DDI2: variants seen among roughly 807,000 people sequenced by gnomAD.
DDI2 encodes DDI proteasomal shuttling factor 2, also known as protein DDI1 homolog 2.
Under a neutral mutation model 48.1 loss-of-function variants are expected in DDI2, and 5 were observed. The ratio of observed to expected loss-of-function variants is 0.10; its 90% CI spans 0.05 to 0.22. The LOEUF is 0.22. DDI2 is among the 10% of genes least tolerant of loss of function. The pLI is 1.00. For synonymous variants in DDI2, 205 were observed against 183.6 expected, an observed-to-expected ratio of 1.12 and a Z score of -0.94; for missense variants, 285 against 506.2, an observed-to-expected ratio of 0.56 and a Z score of 4.19.
intron 6 of DDI2, among the ~76,000 whole-genome samples, chr1:15,644,054 T>G (rs1640048878): frequency 6.6e-6 from 1 of 152,228 alleles, no homozygotes; most frequent in Non-Finnish European, 1.5e-5. Flanking sequence ...TAGTATTATT[T>G]TCTCTTAGAA....
chr1:15,640,972 G>A (rs1639998069), intron 5 of DDI2, among the ~76,000 whole-genome samples: 1 of 152,098 alleles, frequency 6.6e-6, no homozygotes, highest in Admixed American at 6.5e-5. Context: ...TTTACAGGAG[G>A]GTCAAAGTGA....
intron 1 of DDI2, among the ~76,000 whole-genome samples, chr1:15,625,885 G>A (rs530517523): frequency 2.0e-4 from 31 of 152,346 alleles, no homozygotes; most frequent in African/African-American, 7.2e-4. Context: ...CCAAAGTGCT[G>A]GAATTACAGG....
Position 15,667,026 on chromosome 1 carries a change from G to A in DDI2, c.*7236G>A, listed in dbSNP as rs1464241918. 1 of 152,026 alleles carries A rather than the reference G, an allele frequency of 6.6e-6. No homozygotes were observed. Among genetic ancestry groups the A allele is most frequent in the Admixed American group, 6.6e-5 (1 of 15,248 alleles). 9.4% of individuals were successfully genotyped at this position (152,026 alleles called of 1,614,324 possible). On this transcript the variant is annotated 3_prime_UTR_variant, in exon 10 of 10. Coordinates refer to ENST00000480945, the MANE Select transcript of DDI2 (RefSeq NM_032341.5). The stretch of plus-strand genomic sequence containing the variant: ...AGGTCGAGACCAGCCTGGCCAATAT[G>A]ATGAAACCTTACCTCTACTAAAAAT...
At chr1:15,656,875 G>T (rs1056075101) in intron 9 of DDI2, 196 bp downstream of exon 9, 3 of 671,852 alleles carry the variant, frequency 4.5e-6, no homozygotes, top group African/African-American at 1.8e-5. Flanking sequence ...GTTTAAAAAT[G>T]GATTCGTTAT....
chr1:15,636,566 A>G (rs1639932629), intron 4 of DDI2, among the ~76,000 whole-genome samples: 1 of 151,174 alleles, frequency 6.6e-6, no homozygotes, highest in Non-Finnish European at 1.5e-5. Context: ...TCAGCCTCCC[A>G]GGCCCAAGCA....
At chr1:15,653,834 T>G (rs985733921) in intron 8 of DDI2, among the ~76,000 whole-genome samples, 4 of 152,296 alleles carry the variant, frequency 2.6e-5, no homozygotes, top group Middle Eastern at 3.4e-3. Context: ...AGTGTTATGG[T>G]GTGAGATTAC....
At position 15,664,531 on chromosome 1, in the gene DDI2, A is replaced by G. The variant is rs1227626038; in HGVS notation, c.*4741A>G. 1.3e-5 allele frequency: 2 copies of G among 152,214 alleles called. No individual in the cohort carries two copies. Among genetic ancestry groups the G allele is most frequent in the East Asian group, 1.9e-4 (1 of 5,202 alleles). 9.4% of individuals were successfully genotyped at this position (152,214 alleles called of 1,614,324 possible). A position where few individuals can be genotyped will look rare whatever the true frequency, so the allele number is the denominator to read the frequency against. On this transcript the variant is annotated 3_prime_UTR_variant, in exon 10 of 10. Coordinates refer to ENST00000480945, the MANE Select transcript of DDI2 (RefSeq NM_032341.5). Reference sequence around the variant, plus strand: ...AAAGGGTATATTAAGGAGCATTACAATAGTGAACCTTCATCGTCAGCTTTT... The same window carrying G: ...AAAGGGTATATTAAGGAGCATTACAGTAGTGAACCTTCATCGTCAGCTTTT...
At position 15,663,630 on chromosome 1, in the gene DDI2, T is replaced by C. The variant is rs1231093317; in HGVS notation, c.*3840T>C. ...GATGTACGATGCACTAGGAAACTGCTCATAGGATTTCTGTCAGCTGACTTA... is the reference window on the plus strand; with the variant it reads ...GATGTACGATGCACTAGGAAACTGCCCATAGGATTTCTGTCAGCTGACTTA... On this transcript the variant is annotated 3_prime_UTR_variant, in exon 10 of 10. Coordinates refer to ENST00000480945, the MANE Select transcript of DDI2 (RefSeq NM_032341.5). The C allele has an allele frequency of 6.6e-6, 1 of 152,220 alleles. No homozygotes were observed. The highest frequency in any genetic ancestry group is 1.5e-5 in the Non-Finnish European group (1 of 68,044). The allele number at this position is 152,220 out of a possible 1,614,324, so 9.4% of individuals were successfully genotyped here.
chr1:15,652,974 T>C (rs1225710297), intron 8 of DDI2, among the ~76,000 whole-genome samples: 1 of 152,120 alleles, frequency 6.6e-6, no homozygotes, highest in Non-Finnish European at 1.5e-5. Context: ...CACTGCACTC[T>C]AGCCTGGGCA....
chr1:15,663,965 G>A lies in DDI2; in HGVS notation c.*4175G>A, dbSNP rs1640415875. The A allele has an allele frequency of 1.3e-5, 2 of 152,128 alleles. No homozygotes were observed. Among genetic ancestry groups the A allele is most frequent in the South Asian group, 4.1e-4 (2 of 4,830 alleles). 9.4% of individuals were successfully genotyped at this position (152,128 alleles called of 1,614,324 possible). ...TTCATTAGGATAGCTTTTTGTGTAT[G>A]TATATGTATATTTATTTTTAGGAAT... On this transcript the variant is annotated 3_prime_UTR_variant, in exon 10 of 10. Transcript: ENST00000480945.
chr1:15,617,527 C>A lies in DDI2; in HGVS notation c.-144C>A. On this transcript the variant is annotated 5_prime_UTR_variant, in exon 1 of 10. Coordinates refer to ENST00000480945, the MANE Select transcript of DDI2 (RefSeq NM_032341.5). ...GGGCGGGAGGGAGTGACTCACTGAGCGTGTGTGAGGGAGGGAGCGAGCGAG... is the reference window on the plus strand; with the variant it reads ...GGGCGGGAGGGAGTGACTCACTGAGAGTGTGTGAGGGAGGGAGCGAGCGAG... The A allele has an allele frequency of 1.8e-6, 1 of 542,564 alleles. No homozygotes were observed. The highest frequency in any genetic ancestry group is 2.7e-6 in the Non-Finnish European group (1 of 363,918). 33.6% of individuals were successfully genotyped at this position (542,564 alleles called of 1,614,324 possible).
chr1:15,647,836 C>T (rs935328344), intron 6 of DDI2, among the ~76,000 whole-genome samples: 1 of 152,016 alleles, frequency 6.6e-6, no homozygotes, highest in Non-Finnish European at 1.5e-5. Context: ...CATGACCGTA[C>T]GCCTGTAGTC....
intron 8 of DDI2, among the ~76,000 whole-genome samples, chr1:15,656,052 G>C (rs1340916780): frequency 2.0e-5 from 3 of 152,124 alleles, no homozygotes; most frequent in Non-Finnish European, 4.4e-5. Context: ...TGTTGCCCCA[G>C]CTGATTTTGA....
At chr1:15,645,541 T>C (rs890834869) in intron 6 of DDI2, among the ~76,000 whole-genome samples, 2 of 152,204 alleles carry the variant, frequency 1.3e-5, no homozygotes, top group Non-Finnish European at 2.9e-5. Context: ...TTTTCATAAA[T>C]GTCTTGTGAT....
At position 15,651,907 on chromosome 1, in the gene DDI2, G is replaced by T; in HGVS notation, c.1183+12G>T. ...AGCAGAGGATGCAGGTATTTGGGAT[G>T]GCCAAACTCTTCAATACTTGTTATT... On this transcript the variant is annotated intron_variant, in intron 8 of 9. Coordinates refer to ENST00000480945, the MANE Select transcript of DDI2 (RefSeq NM_032341.5). 2 of 1,611,400 alleles carry T rather than the reference G, an allele frequency of 1.2e-6. No individual in the cohort carries two copies. Among genetic ancestry groups the T allele is most frequent in the Non-Finnish European group, 1.7e-6 (2 of 1,178,562 alleles).
rs1639585612 is a variant in DDI2 at position 15,617,675 on chromosome 1, T to A, written c.5T>A (p.Leu2Gln). The change falls in exon 1 of 10, where the codon CTG becomes CAG. Residue 2 changes from leucine (L) to glutamine (Q), a missense_variant. Coordinates refer to ENST00000480945, the MANE Select transcript of DDI2 (RefSeq NM_032341.5). M[L>Q]LTVYCVRRDL... The stretch of plus-strand genomic sequence containing the variant: ...GAGCCGGGTCGGGCCCGGGCCATGC[T>A]GCTCACCGTGTACTGTGTGCGGAGG... 6.5e-7 allele frequency: 1 copy of A among 1,535,432 alleles called. No individual in the cohort carries two copies. The highest frequency in any genetic ancestry group is 1.2e-5 in the South Asian group (1 of 82,456).
chr1:15,623,717 T>C (rs1557611806), intron 1 of DDI2, among the ~76,000 whole-genome samples: 1 of 152,104 alleles, frequency 6.6e-6, no homozygotes, highest in Non-Finnish European at 1.5e-5. Flanking sequence ...AGGATCATTT[T>C]GATTCTCCTG....
chr1:15,635,376 A>G (rs16851884), intron 4 of DDI2, among the ~76,000 whole-genome samples: 48,840 of 152,074 alleles, frequency 0.32, 8,743 homozygotes, highest in African/African-American at 0.46. Flanking sequence ...TAGGGCTTGA[A>G]TGAAGGAAAT....
intron 3 of DDI2, among the ~76,000 whole-genome samples, 158 bp from the exon 4 acceptor site, chr1:15,633,281 G>C (rs1230375561): frequency 6.6e-6 from 1 of 152,110 alleles, no homozygotes; most frequent in African/African-American, 2.4e-5. Context: ...TTGACTCAGA[G>C]AACAGAAAGT....
Sources: gnomAD v4.1 joint callset for allele counts (sites outside exome capture counted in the v4.1 genomes callset) on GRCh38, gnomAD v4.1.1 for gene constraint, MANE v1.5 for transcripts, NCBI Gene and HGNC (gene_info 2026-07-23, HGNC 2026-07-21) for gene names.